EVI5: variants seen among roughly 807,000 people sequenced by gnomAD.
The protein encoded by EVI5 is ecotropic viral integration site 5 protein homolog.
A neutral mutation model predicts 112.0 loss-of-function variants in EVI5; 73 were observed. The ratio of observed to expected loss-of-function variants is 0.65; its 90% CI spans 0.54 to 0.79. The LOEUF (loss-of-function observed/expected upper bound fraction) is 0.79. Ranked by LOEUF, EVI5 falls within the 30% of genes least tolerant of loss-of-function variation. EVI5 has a pLI of 0.00. For synonymous variants in EVI5, 305 were observed against 319.9 expected (o/e 0.95, Z 0.50); for missense variants, 900 against 968.8 (o/e 0.93, Z 0.94).
At chr1:92,677,246 G>A (rs767939381) in intron 9 of EVI5, 28 bp from the exon 10 acceptor site, 22 of 1,296,200 alleles carry the variant, frequency 1.7e-5, no homozygotes, top group Non-Finnish European at 2.2e-5. Flanking sequence ...AAGAGTTAAA[G>A]GTAATGTTTT....
At chr1:92,615,461 G>A (rs888578959) in intron 16 of EVI5, among the ~76,000 whole-genome samples, 1 of 152,202 alleles carries the variant, frequency 6.6e-6, no homozygotes, top group South Asian at 2.1e-4. Flanking sequence ...TAAAGTGAGG[G>A]CATTGATTGG....
At chr1:92,529,037 C>T (rs953962910) in intron 19 of EVI5, among the ~76,000 whole-genome samples, 1 of 152,128 alleles carries the variant, frequency 6.6e-6, no homozygotes, top group South Asian at 2.1e-4. Flanking sequence ...CACTAGCATA[C>T]CTCTTGATCT....
intron 2 of EVI5, chr1:92,733,404 A>G (rs891170693): frequency 2.2e-5 from 2 of 89,808 alleles, no homozygotes; most frequent in African/African-American, 8.5e-5. Flanking sequence ...TTACATTATC[A>G]TCTTTTTTTT....
intron 13 of EVI5, among the ~76,000 whole-genome samples, chr1:92,641,078 G>A (rs1452984950): frequency 6.6e-6 from 1 of 152,090 alleles, no homozygotes; most frequent in Non-Finnish European, 1.5e-5. Flanking sequence ...GGGGGTTGAG[G>A]GAGAAGAGGG....
At chr1:92,751,047 G>A (rs1052243930) in intron 1 of EVI5, among the ~76,000 whole-genome samples, 2 of 152,176 alleles carry the variant, frequency 1.3e-5, no homozygotes, top group African/African-American at 2.4e-5. Flanking sequence ...CTACTCAGGA[G>A]GCTGAGGCAG....
In EVI5 at chr1:92,607,664, C is replaced by T. The variant is rs773160619; in HGVS notation, c.1891G>A (p.Val631Met). 6.2e-7 allele frequency: 1 copy of T among 1,607,528 alleles called. No homozygotes were observed. Among genetic ancestry groups the T allele is most frequent in the Admixed American group, 1.7e-5 (1 of 59,212 alleles). The stretch of plus-strand genomic sequence containing the variant: ...TTGTTCTGTGCAGAAAGATACTGCA[C>T]TTTCTCCTGTAGGCTAATCACCTCT... The part of the protein sequence containing the change: ...EQEVISLQEK[V>M]QYLSAQNKGL... Residue 631 changes from valine to methionine, a missense_variant, in exon 17 of 20, where the codon GTG becomes ATG. By Grantham distance (21) the Val-to-Met change is conservative. Transcript: ENST00000684568.
rs755133604 is a variant in EVI5 at position 92,665,944 on chromosome 1, C to G, written c.1207G>C (p.Glu403Gln). 6.2e-7 allele frequency: 1 copy of G among 1,600,944 alleles called. No homozygotes were observed. The highest frequency in any genetic ancestry group is 1.1e-5 in the South Asian group (1 of 88,136). The change falls in exon 11 of 20, where the codon GAA (glutamate) becomes CAA (glutamine). Residue 403 changes from glutamate to glutamine, a missense_variant. By Grantham distance (29) the Glu-to-Gln change is conservative. Coordinates refer to ENST00000684568, the MANE Select transcript of EVI5 (RefSeq NM_001350197.2). ...RLLKQRIETL[E>Q]KESASLADRL... ...ATAAGTAGTCACTTACTTACTTTTT[C>G]TAATGTCTCGATGCGCTGTTTTAAA...
chr1:92,591,462 C>T (rs1459873039), intron 18 of EVI5, among the ~76,000 whole-genome samples: 1 of 152,090 alleles, frequency 6.6e-6, no homozygotes, highest in Non-Finnish European at 1.5e-5. Context: ...GGTTGCAATC[C>T]TAGTTTCCAA....
At chr1:92,722,650 T>C (rs1471506476) in intron 2 of EVI5, among the ~76,000 whole-genome samples, 1 of 152,152 alleles carries the variant, frequency 6.6e-6, no homozygotes, top group Non-Finnish European at 1.5e-5. Context: ...GAGAACCTAT[T>C]TGCTCATAAC....
intron 5 of EVI5, among the ~76,000 whole-genome samples, chr1:92,699,950 G>A (rs553518819): frequency 7.2e-5 from 11 of 152,042 alleles, no homozygotes; most frequent in Non-Finnish European, 1.5e-4. Context: ...GCATTGATAT[G>A]GGAACTAGAG....
At chr1:92,651,504 T>C (rs1338892438) in intron 13 of EVI5, among the ~76,000 whole-genome samples, 3 of 152,196 alleles carry the variant, frequency 2.0e-5, no homozygotes, top group Non-Finnish European at 4.4e-5. Context: ...CCTACTAGGA[T>C]AGCTATTACT....
At chr1:92,696,460 A>G (rs1310286341) in intron 6 of EVI5, among the ~76,000 whole-genome samples, 1 of 152,086 alleles carries the variant, frequency 6.6e-6, no homozygotes, top group African/African-American at 2.4e-5. Flanking sequence ...CAAAAATTAA[A>G]AAATAAAAAA....
chr1:92,535,527 G>T (rs1663726833), intron 19 of EVI5, among the ~76,000 whole-genome samples: 1 of 152,162 alleles, frequency 6.6e-6, no homozygotes, highest in Non-Finnish European at 1.5e-5. Context: ...ATCAATGATA[G>T]ACTGGATCAA....
intron 9 of EVI5, among the ~76,000 whole-genome samples, chr1:92,686,680 A>G (rs1430456643): frequency 6.6e-6 from 1 of 152,266 alleles, no homozygotes; most frequent in Non-Finnish European, 1.5e-5. Flanking sequence ...TTAAGCTGAT[A>G]AACAACTTCA....
At chr1:92,664,795 A>C (rs1333379209) in intron 11 of EVI5, among the ~76,000 whole-genome samples, 1 of 152,238 alleles carries the variant, frequency 6.6e-6, no homozygotes, top group Non-Finnish European at 1.5e-5. Context: ...ATACTGCAAA[A>C]TATCCATATT....
In EVI5 at chr1:92,754,993, CT is replaced by C; in HGVS notation, c.-81-18367del. Among the ~76,000 whole-genome samples, 3 of 149,228 alleles carry C rather than the reference CT, an allele frequency of 2.0e-5. No homozygotes were observed. The East Asian group carries it at 5.9e-4, about 30-fold the overall frequency. On this transcript the variant is annotated intron_variant, in intron 1 of 19. Transcript: ENST00000684568. ...CATACATGTAAGTATAATGTTATAT[CT>C]TAAAGAAGATGGGGATTATGTTTAC...
chr1:92,718,972 T>A (rs958094413), intron 2 of EVI5, among the ~76,000 whole-genome samples: 1 of 152,102 alleles, frequency 6.6e-6, no homozygotes, highest in African/African-American at 2.4e-5. Flanking sequence ...CCTGGACACA[T>A]ACACCTTCCC....
In EVI5 at chr1:92,563,522, C is replaced by A. The variant is rs1481199257; in HGVS notation, c.2166+120G>T. ...TTTTCAAAAATGTTATTAATTATAA[C>A]CAATAATTCACAGAAGATATTCAGC... On this transcript the variant is annotated intron_variant, in intron 19 of 19. Coordinates refer to ENST00000684568, the MANE Select transcript of EVI5 (RefSeq NM_001350197.2). The A allele has an allele frequency of 5.9e-6, 3 of 504,728 alleles. No homozygotes were observed. The East Asian group carries it at 9.1e-5, about 15-fold the overall frequency. The allele number at this position is 504,728 out of a possible 1,614,324, so 31.3% of individuals were successfully genotyped here.
intron 16 of EVI5, chr1:92,622,400 G>C: frequency 2.6e-6 from 1 of 384,222 alleles, no homozygotes; most frequent in South Asian, 1.9e-5. Flanking sequence ...TTGTACTTAA[G>C]AAACTCTTGA....
Sources: allele counts gnomAD v4.1 joint callset (sites outside exome capture counted in the v4.1 genomes callset), GRCh38; gene constraint gnomAD v4.1.1; transcripts MANE v1.5; gene names NCBI Gene and HGNC (gene_info 2026-07-23, HGNC 2026-07-21).